ARHGAP26: variants seen among roughly 807,000 people sequenced by gnomAD.
ARHGAP26 encodes the protein rho GTPase-activating protein 26.
A neutral mutation model predicts 104.8 loss-of-function variants in ARHGAP26; 38 were observed. That is an observed-to-expected ratio of 0.36 (90% CI 0.28 to 0.48). The LOEUF (loss-of-function observed/expected upper bound fraction) is 0.48, where lower values mean the gene tolerates loss of function less well. Ranked by LOEUF, ARHGAP26 falls within the 20% of genes least tolerant of loss-of-function variation. ARHGAP26 has a pLI of 0.99. For missense variants in ARHGAP26, 704 were observed against 947.9 expected (o/e 0.74, Z 3.38); for synonymous variants, 341 against 340.0 (o/e 1.00, Z -0.03).
intron 11 of ARHGAP26, among the ~76,000 whole-genome samples, chr5:142,999,354 G>C (rs1370447664): frequency 6.6e-6 from 1 of 152,082 alleles, no homozygotes; most frequent in African/African-American, 2.4e-5. Context: ...TTAGCTGAGG[G>C]GGTAGGAGGC....
At chr5:143,005,267 G>C (rs1777779948) in intron 11 of ARHGAP26, among the ~76,000 whole-genome samples, 1 of 152,206 alleles carries the variant, frequency 6.6e-6, no homozygotes, top group Non-Finnish European at 1.5e-5. Context: ...GCATTTCTTT[G>C]TTTGACCTTT....
At chr5:142,868,729 G>A (rs1351641961) in intron 1 of ARHGAP26, 1 of 152,570 alleles carries the variant, frequency 6.6e-6, no homozygotes, top group East Asian at 1.9e-4. Context: ...GGTGGCAGAG[G>A]GTGTTTGAGT....
At chr5:142,780,570 T>C (rs2151844359) in intron 1 of ARHGAP26, among the ~76,000 whole-genome samples, 1 of 152,358 alleles carries the variant, frequency 6.6e-6, no homozygotes, top group African/African-American at 2.4e-5. Flanking sequence ...TTCCAGTTTG[T>C]GTGTATTGTT....
chr5:143,065,411 T>C (rs550315593), intron 17 of ARHGAP26, among the ~76,000 whole-genome samples: 30 of 152,180 alleles, frequency 2.0e-4, no homozygotes, highest in Non-Finnish European at 3.5e-4. Flanking sequence ...TTCAGAACAA[T>C]TGTGGCTGAA....
chr5:143,185,982 C>T (rs1300520644), intron 20 of ARHGAP26, among the ~76,000 whole-genome samples: 3 of 152,202 alleles, frequency 2.0e-5, no homozygotes, highest in African/African-American at 7.2e-5. Flanking sequence ...TTTAGCTTCT[C>T]TGCAGAGATG....
At chr5:143,174,827 C>G (rs972005590) in intron 20 of ARHGAP26, among the ~76,000 whole-genome samples, 2 of 152,170 alleles carry the variant, frequency 1.3e-5, no homozygotes, top group Non-Finnish European at 2.9e-5. Context: ...GATACACTAC[C>G]TCTGAGTTTC....
chr5:143,090,347 C>T (rs1029441198), intron 17 of ARHGAP26, among the ~76,000 whole-genome samples: 3 of 152,226 alleles, frequency 2.0e-5, no homozygotes, highest in Non-Finnish European at 4.4e-5. Flanking sequence ...TTTTGTTTAA[C>T]GTGTGAATGG....
intron 12 of ARHGAP26, among the ~76,000 whole-genome samples, chr5:143,034,862 T>G (rs1224746811): frequency 1.3e-5 from 2 of 152,230 alleles, no homozygotes; most frequent in Non-Finnish European, 2.9e-5. Flanking sequence ...GAGTTGAGTT[T>G]TATTTGGAAG....
At chr5:143,198,561 A>G (rs1369810009) in intron 20 of ARHGAP26, among the ~76,000 whole-genome samples, 3 of 152,210 alleles carry the variant, frequency 2.0e-5, no homozygotes, top group African/African-American at 4.8e-5. Flanking sequence ...TTTCTGTACA[A>G]TGAGCAATTG....
chr5:143,025,917 C>CTA (rs1181680711), intron 12 of ARHGAP26, among the ~76,000 whole-genome samples: 2 of 152,004 alleles, frequency 1.3e-5, no homozygotes, highest in Admixed American at 1.3e-4. Context: ...TTACTTTACT[C>CTA]TATGTCTCTT....
chr5:142,913,387 C>A, intron 10 of ARHGAP26, 94 bp downstream of exon 10: 1 of 1,074,272 alleles, frequency 9.3e-7, no homozygotes, highest in Non-Finnish European at 1.4e-6. Flanking sequence ...GCTTTTTTCC[C>A]CTTCTCCCCC....
intron 1 of ARHGAP26, chr5:142,868,875 A>G (rs35744364): frequency 0.18 from 26,782 of 152,526 alleles, 3,326 homozygotes; most frequent in East Asian, 0.5. Context: ...ACTCTCAGGT[A>G]TTCCACCTGT....
intron 20 of ARHGAP26, chr5:143,173,185 A>T (rs572724156): frequency 3.7e-5 from 6 of 164,266 alleles, no homozygotes; most frequent in Middle Eastern, 5.1e-3. Context: ...CCATGGGAAG[A>T]TGGGGGACAT....
rs527352955 is a variant in ARHGAP26 at position 143,065,113 on chromosome 5, G to A, written c.1538+7366G>A. Among the ~76,000 whole-genome samples the A allele has an allele frequency of 3.3e-5, 5 of 152,194 alleles. No homozygotes were observed. In the South Asian group the frequency reaches 8.3e-4, roughly 25 times the overall value. On this transcript the variant is annotated intron_variant, in intron 17 of 22. Transcript: ENST00000645722. ...CACTCTGTTTTTCTTACTTGGTGCC[G>A]CCTTTAATTTTGGGAGTATTATAAA...
At chr5:142,887,095 C>T (rs528367433) in intron 5 of ARHGAP26, among the ~76,000 whole-genome samples, 1 of 152,188 alleles carries the variant, frequency 6.6e-6, no homozygotes. Context: ...AGGCCCACAG[C>T]ACAGTTACCC....
intron 10 of ARHGAP26, among the ~76,000 whole-genome samples, chr5:142,925,517 A>G (rs986074451): frequency 2.6e-5 from 4 of 152,222 alleles, no homozygotes; most frequent in Admixed American, 6.5e-5. Context: ...CTTTGGCCAT[A>G]TCTTTGTGTA....
At chr5:143,183,681 C>A (rs1363944831) in intron 20 of ARHGAP26, among the ~76,000 whole-genome samples, 1 of 152,324 alleles carries the variant, frequency 6.6e-6, no homozygotes, top group South Asian at 2.1e-4. Context: ...CCTCCTCGGA[C>A]GCCACCCCTA....
intron 11 of ARHGAP26, among the ~76,000 whole-genome samples, chr5:142,940,767 T>G (rs962451938): frequency 1.3e-5 from 2 of 152,136 alleles, no homozygotes; most frequent in Non-Finnish European, 2.9e-5. Flanking sequence ...AACATATGCA[T>G]GTATATGTCT....
chr5:143,140,494 A>G (rs78629028), intron 19 of ARHGAP26, among the ~76,000 whole-genome samples: 2,311 of 152,338 alleles, frequency 0.015, 68 homozygotes, highest in African/African-American at 0.054. Context: ...TATATAAAGT[A>G]CTTGACATTG....
Sources: gnomAD v4.1 joint callset for allele counts (sites outside exome capture counted in the v4.1 genomes callset) on GRCh38, gnomAD v4.1.1 for gene constraint, MANE v1.5 for transcripts, NCBI Gene and HGNC (gene_info 2026-07-23, HGNC 2026-07-21) for gene names.